ZNF732: variants seen among roughly 807,000 people sequenced by gnomAD.
The protein encoded by ZNF732 is zinc finger protein LOC654254.
Under a neutral mutation model 11.5 loss-of-function variants are expected in ZNF732, and 12 were observed. That is an observed-to-expected ratio of 1.05 (90% CI 0.67 to 1.70). The LOEUF is 1.70. Ranked by LOEUF, ZNF732 falls within the 40% of genes most tolerant of loss-of-function variation. The probability of loss-of-function intolerance (pLI) is 0.00; values close to 1 mark genes in which losing one functional copy is unlikely to be tolerated. For missense variants in ZNF732, 702 were observed against 676.9 expected, an observed-to-expected ratio of 1.04 and a Z score of -0.41; for synonymous variants, 231 against 236.5, an observed-to-expected ratio of 0.98 and a Z score of 0.21.
At chr4:292,578 A>T (rs1325088426) in intron 3 of ZNF732, among the ~76,000 whole-genome samples, 6 of 151,196 alleles carry the variant, frequency 4.0e-5, no homozygotes, top group Non-Finnish European at 7.4e-5. Flanking sequence ...AAAAAAAGTT[A>T]ATATCCCTAT....
At chr4:298,321 G>A (rs1720002851) in intron 1 of ZNF732, among the ~76,000 whole-genome samples, 3 of 151,964 alleles carry the variant, frequency 2.0e-5, no homozygotes, top group Admixed American at 6.6e-5. Flanking sequence ...TTGAGGGTAG[G>A]GACCATGACT....
intron 1 of ZNF732, 110 bp downstream of exon 1, chr4:305,198 T>C: frequency 1.4e-6 from 2 of 1,423,628 alleles, no homozygotes; most frequent in Non-Finnish European, 1.9e-6. Flanking sequence ...GACTGAGGGC[T>C]GAGCGGCGGC....
intron 1 of ZNF732, among the ~76,000 whole-genome samples, chr4:303,949 T>TA (rs1720172731): frequency 6.6e-6 from 1 of 152,174 alleles, no homozygotes; most frequent in South Asian, 2.1e-4. Context: ...AGTGCAGGTC[T>TA]AGGCAGGGTT....
In ZNF732 at chr4:272,494, C is replaced by T. The variant is rs375854457; in HGVS notation, c.363G>A (p.Val121=). ...LELRKSCKRK[V]QKGGYNEFNQ... is the part of the protein sequence containing the mutation. ...TAAATTCATTATAACCTCCTTTCTGCACCTTCCTTTTACAGCTTTTTCTTA... is the reference window on the plus strand; with the variant it reads ...TAAATTCATTATAACCTCCTTTCTGTACCTTCCTTTTACAGCTTTTTCTTA... Residue 121 remains valine (V), a synonymous_variant, in exon 4 of 4, where the codon GTG becomes GTA. Transcript: ENST00000419098. 1.9e-6 allele frequency: 3 copies of T among 1,602,738 alleles called. No homozygotes were observed. In the African/African-American group the frequency reaches 4.0e-5, roughly 21 times the overall value.
chr4:272,738 A>G, intron 3 of ZNF732, 108 bp from the exon 4 acceptor site: 1 of 1,060,724 alleles, frequency 9.4e-7, no homozygotes, highest in South Asian at 2.3e-5. Flanking sequence ...TGGCATAACA[A>G]AATACCACAG....
At chr4:293,240 G>T (rs1210693945) in intron 3 of ZNF732, among the ~76,000 whole-genome samples, 1 of 145,446 alleles carries the variant, frequency 6.9e-6, no homozygotes, top group African/African-American at 2.6e-5. Context: ...TATGGTGTGT[G>T]TGTGTATATA....
intron 3 of ZNF732, among the ~76,000 whole-genome samples, chr4:282,284 T>A (rs1358620516): frequency 6.6e-6 from 1 of 152,172 alleles, no homozygotes; most frequent in African/African-American, 2.4e-5. Context: ...ACATAGAAGT[T>A]CACTTTTGCT....
intron 1 of ZNF732, among the ~76,000 whole-genome samples, chr4:296,630 A>G (rs1466144633): frequency 6.6e-6 from 1 of 151,396 alleles, no homozygotes; most frequent in East Asian, 1.9e-4. Context: ...CACTTAGCTA[A>G]GCGCTGCCTC....
intron 3 of ZNF732, among the ~76,000 whole-genome samples, chr4:273,383 ATAT>A (rs142835841): frequency 0.017 from 2,589 of 152,162 alleles, 69 homozygotes; most frequent in African/African-American, 0.059. Context: ...TAACAAGCAA[ATAT>A]TATAATGTAT....
At chr4:298,076 G>A (rs1719997601) in intron 1 of ZNF732, among the ~76,000 whole-genome samples, 1 of 152,118 alleles carries the variant, frequency 6.6e-6, no homozygotes, top group Admixed American at 6.5e-5. Flanking sequence ...AATCCCTTAT[G>A]TTTCTCTAGC....
intron 1 of ZNF732, among the ~76,000 whole-genome samples, chr4:303,879 T>C (rs554531734): frequency 6.6e-6 from 1 of 152,228 alleles, no homozygotes; most frequent in South Asian, 2.1e-4. Flanking sequence ...AAAGGAGCTA[T>C]CAAGAGTCAT....
chr4:294,999 CA>C (rs1265808736), intron 3 of ZNF732, among the ~76,000 whole-genome samples: 1 of 152,154 alleles, frequency 6.6e-6, no homozygotes, highest in Non-Finnish European at 1.5e-5. Context: ...AGAAAAGACG[CA>C]ACATCTGTCC....
chr4:272,094 A>G lies in ZNF732; in HGVS notation c.763T>C (p.Cys255Arg). 6.2e-7 allele frequency: 1 copy of G among 1,612,052 alleles called. No homozygotes were observed. Among genetic ancestry groups the G allele is most frequent in the Non-Finnish European group, 8.5e-7 (1 of 1,178,942 alleles). ...GAGGACCTATTAAAGGCTTTGCCAC[A>G]TTCTTCATATTTGTAAGATTTCTCT... ...TGEKSYKYEE[C>R]GKAFNRSSTL... Residue 255 changes from cysteine to arginine, a missense_variant, in exon 4 of 4, where the codon TGT becomes CGT. By Grantham distance (180) the Cys-to-Arg change is radical. Transcript: ENST00000419098.
chr4:288,826 G>C (rs1484697862), intron 3 of ZNF732, among the ~76,000 whole-genome samples: 2 of 152,150 alleles, frequency 1.3e-5, no homozygotes, highest in Admixed American at 1.3e-4. Context: ...GGCGGAAGTG[G>C]GCTGATCATG....
intron 3 of ZNF732, among the ~76,000 whole-genome samples, chr4:274,363 A>C (rs1394107243): frequency 6.6e-6 from 1 of 151,748 alleles, no homozygotes; most frequent in East Asian, 1.9e-4. Flanking sequence ...TTCTCAAGAT[A>C]CCAGAAAAAA....
At chr4:272,928 A>G (rs552623405) in intron 3 of ZNF732, among the ~76,000 whole-genome samples, 7 of 152,114 alleles carry the variant, frequency 4.6e-5, no homozygotes, top group Non-Finnish European at 8.8e-5. Flanking sequence ...CCTCCCCAAT[A>G]TAGCACTGTG....
chr4:280,407 C>T (rs1719597773), intron 3 of ZNF732, among the ~76,000 whole-genome samples: 1 of 151,754 alleles, frequency 6.6e-6, no homozygotes, highest in Admixed American at 6.6e-5. Flanking sequence ...CTGACCATCT[C>T]TACTAAAAAT....
intron 3 of ZNF732, among the ~76,000 whole-genome samples, chr4:281,825 G>C (rs1324143359): frequency 6.6e-6 from 1 of 152,110 alleles, no homozygotes; most frequent in African/African-American, 2.4e-5. Flanking sequence ...AGCATGAAAG[G>C]AAACTAAAAA....
chr4:281,907 T>A (rs977188761), intron 3 of ZNF732, among the ~76,000 whole-genome samples: 16 of 152,208 alleles, frequency 1.1e-4, no homozygotes, highest in African/African-American at 3.9e-4. Context: ...ATAATTATCT[T>A]TAAAAATCTC....
Sources: allele counts gnomAD v4.1 joint callset (sites outside exome capture counted in the v4.1 genomes callset), GRCh38; gene constraint gnomAD v4.1.1; transcripts MANE v1.5; gene names NCBI Gene and HGNC (gene_info 2026-07-23, HGNC 2026-07-21).